ZC3H12D: variants seen among roughly 807,000 people sequenced by gnomAD.
The protein encoded by ZC3H12D is probable ribonuclease ZC3H12D.
Under a neutral mutation model 24.2 loss-of-function variants are expected in ZC3H12D, and 11 were observed. The ratio of observed to expected loss-of-function variants is 0.46; its 90% confidence interval spans 0.29 to 0.75. The LOEUF (loss-of-function observed/expected upper bound fraction) is 0.75, where lower values mean the gene tolerates loss of function less well. ZC3H12D is among the 30% of genes least tolerant of loss of function. The probability of loss-of-function intolerance (pLI) is 0.11; values close to 1 mark genes in which losing one functional copy is unlikely to be tolerated. For missense variants in ZC3H12D, 740 were observed against 767.7 expected (o/e 0.96, Z 0.43); for synonymous variants, 333 against 341.8 (o/e 0.97, Z 0.28).
At chr6:149,484,573 T>G (rs1776471375) in intron 1 of ZC3H12D, among the ~76,000 whole-genome samples, 1 of 152,226 alleles carries the variant, frequency 6.6e-6, no homozygotes, top group African/African-American at 2.4e-5. Flanking sequence ...TTTGCTAAAA[T>G]GAGCAAGGAT....
Position 149,450,767 on chromosome 6 carries a change from C to T in ZC3H12D, c.1500G>A (p.Ala500=). 6.5e-7 allele frequency: 1 copy of T among 1,549,356 alleles called. No individual in the cohort carries two copies. Among genetic ancestry groups the T allele is most frequent in the South Asian group, 1.2e-5 (1 of 84,030 alleles). ...PRDQVDRVMA[A]FPELSDLARL... ...TGGCGAGGTCTGAGAGCTCCGGGAA[C>T]GCGGCCATCACGCGGTCCACCTGGT... Residue 500 remains alanine (A), a synonymous_variant, in exon 6 of 6, where the codon GCG becomes GCA. Coordinates refer to ENST00000409806, the MANE Select transcript of ZC3H12D (RefSeq NM_207360.3).
At chr6:149,482,109 AG>A (rs1311190153) in intron 1 of ZC3H12D, among the ~76,000 whole-genome samples, 22 of 152,272 alleles carry the variant, frequency 1.4e-4, no homozygotes, top group African/African-American at 5.1e-4. Context: ...GGAGACTGAA[AG>A]GGGCAAATGT....
At chr6:149,482,789 G>A (rs1347623851) in intron 1 of ZC3H12D, among the ~76,000 whole-genome samples, 1 of 152,182 alleles carries the variant, frequency 6.6e-6, no homozygotes, top group Non-Finnish European at 1.5e-5. Flanking sequence ...AGTGTCCTGG[G>A]AGCCACCTCA....
At position 149,450,980 on chromosome 6, in the gene ZC3H12D, C is replaced by G. The variant is rs751764814; in HGVS notation, c.1287G>C (p.Pro429=). ...CCCACGGGTCGTCGGGTGGCCTGCG[C>G]GGGGAAAGCAAGTCGCCGTGCAGGT... is the stretch of plus-strand genomic sequence containing the variant. The part of the protein sequence containing the change: ...PRDLHGDLLS[P]RRPPDDPWAR... The change falls in exon 6 of 6, where the codon CCG becomes CCC. Residue 429 remains proline, a synonymous_variant. Transcript: ENST00000409806. The G allele has an allele frequency of 1.4e-5, 21 of 1,520,302 alleles. 1 individual carries two copies. The highest frequency in any genetic ancestry group is 3.8e-4 in the Middle Eastern group (2 of 5,296). 94.2% of individuals were successfully genotyped at this position (1,520,302 alleles called of 1,614,324 possible).
chr6:149,454,649 G>A lies in ZC3H12D; in HGVS notation c.681-1927C>T, dbSNP rs765781014. Among the ~76,000 whole-genome samples the A allele has an allele frequency of 1.1e-4, 17 of 152,358 alleles. 1 individual carries two copies. The South Asian group carries it at 2.7e-3, about 24-fold the overall frequency. On this transcript the variant is annotated intron_variant, in intron 4 of 5. Coordinates refer to ENST00000409806, the MANE Select transcript of ZC3H12D (RefSeq NM_207360.3). ...CCAGGGCAGGCGCCCTCGCTCACAA[G>A]CGGGCGGCAGGTCCTGCCTCCTGGC...
rs1342072627 is a variant in ZC3H12D, at chr6:149,464,973, G to A, written c.306-3003C>T. Among the ~76,000 whole-genome samples, 5 of 152,308 alleles carry A rather than the reference G, an allele frequency of 3.3e-5. No individual in the cohort carries two copies. The South Asian group carries it at 8.3e-4, about 25-fold the overall frequency. On this transcript the variant is annotated intron_variant, in intron 2 of 5. Coordinates refer to ENST00000409806, the MANE Select transcript of ZC3H12D (RefSeq NM_207360.3). The stretch of plus-strand genomic sequence containing the variant: ...GGCAGCCAACCCATATGCAGACAAG[G>A]ATGACATTTTGAATTCACACTGCTG...
intron 1 of ZC3H12D, among the ~76,000 whole-genome samples, chr6:149,480,623 C>A (rs1406466567): frequency 6.6e-6 from 1 of 152,180 alleles, no homozygotes; most frequent in Non-Finnish European, 1.5e-5. Context: ...TTAATCCCAG[C>A]TACTCAGGAG....
intron 3 of ZC3H12D, among the ~76,000 whole-genome samples, chr6:149,458,124 G>GTTTTTTTTTTTTTTTTTTTTTTTT (rs1562472740): frequency 2.7e-5 from 1 of 37,604 alleles, no homozygotes; most frequent in Admixed American, 2.6e-4. Flanking sequence ...TTTTTTTTTC[G>GTTTTTTTTTTTTTTTTTTTTTTTT]TTTCTTTTTT....
intron 1 of ZC3H12D, among the ~76,000 whole-genome samples, chr6:149,478,393 ATTTTTT>A (rs57879307): frequency 6.7e-6 from 1 of 149,834 alleles, no homozygotes; most frequent in Admixed American, 6.7e-5. Flanking sequence ...CTTCTTACTA[ATTTTTT>A]TTTTGTTTTG....
intron 2 of ZC3H12D, among the ~76,000 whole-genome samples, chr6:149,468,118 A>C (rs1295792012): frequency 3.3e-5 from 5 of 152,172 alleles, no homozygotes; most frequent in Non-Finnish European, 1.5e-5. Flanking sequence ...AGTAGCTGGG[A>C]TTACAAGCAT....
intron 2 of ZC3H12D, among the ~76,000 whole-genome samples, chr6:149,473,941 T>C (rs1465595506): frequency 6.6e-6 from 1 of 152,108 alleles, no homozygotes; most frequent in Non-Finnish European, 1.5e-5. Flanking sequence ...TGGGTTATGA[T>C]CATAACAGCT....
chr6:149,474,114 G>A (rs1776291600), intron 2 of ZC3H12D, 125 bp downstream of exon 2: 3 of 761,416 alleles, frequency 3.9e-6, no homozygotes, highest in Non-Finnish European at 5.8e-6. Flanking sequence ...ATGGTACAGG[G>A]ATTCAAAGCC....
intron 3 of ZC3H12D, among the ~76,000 whole-genome samples, chr6:149,460,605 T>C (rs1749226): frequency 0.36 from 54,995 of 151,474 alleles, 10,437 homozygotes; most frequent in African/African-American, 0.46. Context: ...GAGGCAGAGG[T>C]GGGTGGATCA....
At position 149,450,781 on chromosome 6, in the gene ZC3H12D, G is replaced by T; in HGVS notation, c.1486C>A (p.Arg496Ser). The T allele has an allele frequency of 6.5e-7, 1 of 1,549,184 alleles. No individual in the cohort carries two copies. The change falls in exon 6 of 6, where the codon CGC (arginine) becomes AGC (serine). Residue 496 changes from arginine (R) to serine (S), a missense_variant. Physicochemically the swap from Arg to Ser is moderately radical, Grantham distance 110. Transcript: ENST00000409806. ...YSVFPRDQVD[R>S]VMAAFPELSD... ...AGCTCCGGGAACGCGGCCATCACGC[G>T]GTCCACCTGGTCACGCGGGAAGACG...
intron 1 of ZC3H12D, among the ~76,000 whole-genome samples, chr6:149,476,537 G>A (rs1258374712): frequency 6.6e-6 from 1 of 152,062 alleles, no homozygotes; most frequent in Non-Finnish European, 1.5e-5. Flanking sequence ...GCTGGGCATG[G>A]TGGCTCCTGT....
At chr6:149,462,058 T>C (rs1332712549) in intron 2 of ZC3H12D, 88 bp from the exon 3 acceptor site, 13 of 1,465,160 alleles carry the variant, frequency 8.9e-6, no homozygotes, top group South Asian at 1.3e-5. Context: ...CACAGTCTCA[T>C]AATCAAGAGG....
In ZC3H12D at chr6:149,456,652, C is replaced by T; in HGVS notation, c.680+14G>A. On this transcript the variant is annotated intron_variant, in intron 4 of 5. Transcript: ENST00000409806. The surrounding 1 kb of genome is among the most constrained non-coding windows in gnomAD (Gnocchi z 4.3). ...CGCCGCCCCCCAGGGTGTCAGGACC[C>T]CAGCCGGACCTACCGGTCGTTGACG... 1 of 1,608,324 alleles carries T rather than the reference C, an allele frequency of 6.2e-7. No homozygotes were observed. Among genetic ancestry groups the T allele is most frequent in the Non-Finnish European group, 8.5e-7 (1 of 1,176,400 alleles).
chr6:149,451,314 G>C lies in ZC3H12D; in HGVS notation c.953C>G (p.Ala318Gly), dbSNP rs1241356416. 1 of 1,336,082 alleles carries C rather than the reference G, an allele frequency of 7.5e-7. No individual in the cohort carries two copies. Among genetic ancestry groups the C allele is most frequent in the African/African-American group, 1.5e-5 (1 of 64,610 alleles). The allele number at this position is 1,336,082 out of a possible 1,614,324, so 82.8% of individuals were successfully genotyped here. ...AAATGGTTCCCGGGGGGCCGCCCGG[G>C]CTCCTGCGGAGCCGCCCGGGGCTCT... ...PPRAPGGSAGARAAPREPFAH... is the reference protein window; with the variant it reads ...PPRAPGGSAGGRAAPREPFAH... Residue 318 changes from alanine (A) to glycine (G), a missense_variant, in exon 6 of 6, where the codon GCC becomes GGC. Ala to Gly is a moderately conservative substitution (Grantham distance 60, BLOSUM62 0). Transcript: ENST00000409806.
intron 2 of ZC3H12D, among the ~76,000 whole-genome samples, chr6:149,462,306 G>A (rs531404467): frequency 5.3e-5 from 8 of 152,164 alleles, no homozygotes; most frequent in African/African-American, 1.9e-4. Flanking sequence ...CCCGAAAGAT[G>A]GAGGATTCAG....
Sources: allele counts gnomAD v4.1 joint callset (sites outside exome capture counted in the v4.1 genomes callset), GRCh38; gene constraint gnomAD v4.1.1; non-coding constraint Gnocchi (gnomAD v3.1); transcripts MANE v1.5; gene names NCBI Gene and HGNC (gene_info 2026-07-23, HGNC 2026-07-21).